Variants in POLD3 observed in about 807,000 individuals in gnomAD.
POLD3 encodes DNA polymerase delta 3, accessory subunit, also known as DNA polymerase delta subunit 3.
Under a neutral mutation model 58.2 loss-of-function variants are expected in POLD3, and 19 were observed. That is an observed-to-expected ratio of 0.33 (90% CI 0.23 to 0.48). The LOEUF is 0.48. Ranked by LOEUF, POLD3 falls within the 20% of genes least tolerant of loss-of-function variation. POLD3 has a pLI of 0.99. For missense variants in POLD3, 504 were observed against 545.5 expected (o/e 0.92, Z 0.76); for synonymous variants, 172 against 193.5 (o/e 0.89, Z 0.92).
chr11:74,661,089 T>G (rs891469988), intron 4 of POLD3, among the ~76,000 whole-genome samples: 17 of 152,134 alleles, frequency 1.1e-4, no homozygotes, highest in Admixed American at 1.1e-3. Flanking sequence ...CTGATAGAAT[T>G]ATGTATTCCT....
intron 9 of POLD3, among the ~76,000 whole-genome samples, chr11:74,631,477 C>CTTTTTTT (rs1158260012): frequency 6.3e-5 from 7 of 110,294 alleles, no homozygotes; most frequent in Non-Finnish European, 1.1e-4. Flanking sequence ...TTTGTCTTGT[C>CTTTTTTT]TTTTTTTTTT....
At chr11:74,656,227 C>G (rs952164120) in intron 4 of POLD3, among the ~76,000 whole-genome samples, 1 of 152,078 alleles carries the variant, frequency 6.6e-6, no homozygotes, top group Admixed American at 6.5e-5. Flanking sequence ...CTATAAAATT[C>G]CCTCTTAGTA....
chr11:74,597,547 G>A (rs1436782920), intron 2 of POLD3, among the ~76,000 whole-genome samples: 1 of 152,118 alleles, frequency 6.6e-6, no homozygotes, highest in Admixed American at 6.6e-5. Context: ...TGCAACTTCA[G>A]CCTCCCAGGC....
rs1187446163 is a variant in POLD3 at position 74,602,920 on chromosome 11, GCTCC to G, written c.117-1761_117-1758del. On this transcript the variant is annotated intron_variant, in intron 2 of 11. Transcript: ENST00000263681. ...GTTTCCCAAGATATCCACCTTGCTG[GCTCC>G]CTCCCTCCCTGCAGGGCTCTGCTAA... Among the ~76,000 whole-genome samples the G allele has an allele frequency of 1.1e-4, 17 of 152,224 alleles. 1 individual carries two copies. Among genetic ancestry groups the G allele is most frequent in the Admixed American group, 9.2e-4 (14 of 15,284 alleles).
chr11:74,609,159 T>C (rs2031798505), intron 3 of POLD3, among the ~76,000 whole-genome samples: 1 of 151,776 alleles, frequency 6.6e-6, no homozygotes, highest in Non-Finnish European at 1.5e-5. Context: ...TATGTCCTGC[T>C]AAGGATGCAC....
At chr11:74,593,088 A>C in intron 1 of POLD3, 1 of 1,030,456 alleles carries the variant, frequency 9.7e-7, no homozygotes, top group Non-Finnish European at 1.2e-6. Flanking sequence ...TCGTGTCTTA[A>C]CTGTGTTAAG....
intron 2 of POLD3, among the ~76,000 whole-genome samples, chr11:74,603,801 A>G (rs954318004): frequency 6.6e-6 from 1 of 152,166 alleles, no homozygotes; most frequent in African/African-American, 2.4e-5. Flanking sequence ...TTAAATTTCT[A>G]GCTATGCTTG....
chr11:74,619,835 A>G (rs568898517), intron 6 of POLD3, among the ~76,000 whole-genome samples, 182 bp from the exon 7 acceptor site: 34 of 152,348 alleles, frequency 2.2e-4, no homozygotes, highest in Non-Finnish European at 4.4e-4. Context: ...AACACCAGTT[A>G]CTGTCTGGTG....
At chr11:74,610,651 G>A (rs2031879430) in intron 3 of POLD3, among the ~76,000 whole-genome samples, 1 of 151,282 alleles carries the variant, frequency 6.6e-6, no homozygotes, top group African/African-American at 2.4e-5. Context: ...TCATTTAAAA[G>A]TTGCTTTTTT....
intron 3 of POLD3, 150 bp downstream of exon 3, chr11:74,604,944 G>A (rs902680223): frequency 3.5e-6 from 2 of 572,758 alleles, no homozygotes; most frequent in African/African-American, 3.8e-5. Context: ...TGGATTTTTA[G>A]ATTAAATCTA....
intron 4 of POLD3, among the ~76,000 whole-genome samples, chr11:74,659,975 A>G (rs1387058433): frequency 6.6e-6 from 1 of 152,138 alleles, no homozygotes; most frequent in Non-Finnish European, 1.5e-5. Context: ...AATTTACTAT[A>G]TTAGTCCATT....
intron 4 of POLD3, among the ~76,000 whole-genome samples, chr11:74,650,395 C>T (rs1170540963): frequency 6.6e-6 from 1 of 152,178 alleles, no homozygotes; most frequent in African/African-American, 2.4e-5. Flanking sequence ...AGGTGGGCTG[C>T]GTGTCATTCT....
intron 4 of POLD3, among the ~76,000 whole-genome samples, chr11:74,663,821 AC>A (rs2033233762): frequency 6.6e-6 from 1 of 152,162 alleles, no homozygotes; most frequent in Non-Finnish European, 1.5e-5. Context: ...AAGTAGGAAA[AC>A]CATAGAATGT....
intron 5 of POLD3, among the ~76,000 whole-genome samples, chr11:74,617,435 T>A (rs1433148101): frequency 1.3e-5 from 2 of 152,214 alleles, no homozygotes; most frequent in African/African-American, 4.8e-5. Context: ...AGAGTATTGC[T>A]GTGTCGCCTA....
At chr11:74,594,186 A>C (rs2031140870) in intron 2 of POLD3, 70 bp downstream of exon 2, 1 of 901,258 alleles carries the variant, frequency 1.1e-6, no homozygotes, top group African/African-American at 1.6e-5. Context: ...TTTGCTTTTA[A>C]CTCTACAGAT....
At chr11:74,663,040 AT>A (rs2033224330) in intron 4 of POLD3, among the ~76,000 whole-genome samples, 1 of 152,208 alleles carries the variant, frequency 6.6e-6, no homozygotes, top group African/African-American at 2.4e-5. Context: ...GAGGGGTGGC[AT>A]TGGTGATTCA....
Position 74,613,022 on chromosome 11 carries a change from A to G in POLD3, c.392+12A>G, listed in dbSNP as rs1565117007. Reference sequence around the variant, plus strand: ...CAGAACTGCAGCAAGTAAGCGTCTTAATGTTCCTTGTGGGCTTCTTTACGA... The same window carrying G: ...CAGAACTGCAGCAAGTAAGCGTCTTGATGTTCCTTGTGGGCTTCTTTACGA... On this transcript the variant is annotated intron_variant, in intron 5 of 11. Transcript: ENST00000263681. The G allele has an allele frequency of 1.2e-6, 2 of 1,605,314 alleles. No individual in the cohort carries two copies. Among genetic ancestry groups the G allele is most frequent in the Non-Finnish European group, 1.7e-6 (2 of 1,177,020 alleles).
chr11:74,592,787 C>T lies in POLD3; in HGVS notation c.60+69C>T, dbSNP rs1469920606. ...CTGGGCCCGGCTAGGGCGGCGGGAG[C>T]CTTGACCCTCTGTCTGCTTGTGGCT... On this transcript the variant is annotated intron_variant, in intron 1 of 11. Transcript: ENST00000263681. The T allele has an allele frequency of 1.9e-6, 3 of 1,593,632 alleles. No homozygotes were observed. In the African/African-American group the frequency reaches 4.0e-5, roughly 21 times the overall value.
chr11:74,626,336 A>G (rs2032433728), intron 8 of POLD3, among the ~76,000 whole-genome samples: 1 of 152,228 alleles, frequency 6.6e-6, no homozygotes, highest in South Asian at 2.1e-4. Flanking sequence ...CCAGCAGTGC[A>G]TTCAGTATTT....
Sources: gnomAD v4.1 joint callset for allele counts (sites outside exome capture counted in the v4.1 genomes callset) on GRCh38, gnomAD v4.1.1 for gene constraint, MANE v1.5 for transcripts, NCBI Gene and HGNC (gene_info 2026-07-23, HGNC 2026-07-21) for gene names.